The following RAB3GAP2 variants were observed in gnomAD, a reference collection of about 807,000 sequenced individuals.
RAB3GAP2 encodes RAB3 GTPase activating non-catalytic protein subunit 2, also known as rab3 GTPase-activating protein non-catalytic subunit.
Under a neutral mutation model 185.3 loss-of-function variants are expected in RAB3GAP2, and 87 were observed. That is an observed-to-expected ratio of 0.47 (90% CI 0.39 to 0.56). The LOEUF (loss-of-function observed/expected upper bound fraction) is 0.56. Ranked by LOEUF, RAB3GAP2 falls within the 20% of genes least tolerant of loss-of-function variation. The pLI is 0.00. For missense variants in RAB3GAP2, 1,492 were observed against 1,638.2 expected, an observed-to-expected ratio of 0.91 and a Z score of 1.54; for synonymous variants, 554 against 576.1, an observed-to-expected ratio of 0.96 and a Z score of 0.55.
At chr1:220,169,688 G>A (rs1333795960) in intron 24 of RAB3GAP2, among the ~76,000 whole-genome samples, 2 of 152,186 alleles carry the variant, frequency 1.3e-5, no homozygotes, top group Non-Finnish European at 2.9e-5. Flanking sequence ...AAGAGTTTAT[G>A]CTTTGTTCAG....
At chr1:220,200,509 G>T (rs1307128395) in intron 9 of RAB3GAP2, 1 of 508,910 alleles carries the variant, frequency 2.0e-6, no homozygotes, top group South Asian at 1.5e-5. Flanking sequence ...TCTACATAAA[G>T]ATGTACATAC....
chr1:220,260,852 C>T (rs1030424407), intron 1 of RAB3GAP2, among the ~76,000 whole-genome samples: 1 of 152,112 alleles, frequency 6.6e-6, no homozygotes, highest in African/African-American at 2.4e-5. Context: ...AATATGGTAG[C>T]CACTAGCAAC....
chr1:220,185,720 T>C lies in RAB3GAP2; in HGVS notation c.1801A>G (p.Ser601Gly). The C allele has an allele frequency of 1.2e-6, 2 of 1,612,180 alleles. No individual in the cohort carries two copies. The highest frequency in any genetic ancestry group is 1.7e-6 in the Non-Finnish European group (2 of 1,178,580). Residue 601 changes from serine (S) to glycine (G), a missense_variant, in exon 18 of 35, where the codon AGT becomes GGT. Transcript: ENST00000358951. ...AGGCAAGAAAATGGTAAACGTTCAC[T>C]TGCCAAAATGCTTTCCAAAGCCTAG... is the stretch of plus-strand genomic sequence containing the variant. Reference protein sequence around the residue: ...KKQALESILASERLPFSCLRN... With the variant: ...KKQALESILAGERLPFSCLRN...
At chr1:220,244,154 A>G (rs1659754671) in intron 1 of RAB3GAP2, among the ~76,000 whole-genome samples, 3 of 152,180 alleles carry the variant, frequency 2.0e-5, no homozygotes, top group South Asian at 2.1e-4. Context: ...CGTACAAAAA[A>G]TCCTAAAGAT....
intron 21 of RAB3GAP2, among the ~76,000 whole-genome samples, chr1:220,180,200 C>T (rs1571885597): frequency 6.6e-6 from 1 of 151,778 alleles, no homozygotes; most frequent in Admixed American, 6.6e-5. Context: ...TAATAAACAC[C>T]TCAATAAAAA....
chr1:220,262,980 T>G (rs544848190), intron 1 of RAB3GAP2, among the ~76,000 whole-genome samples: 2 of 152,152 alleles, frequency 1.3e-5, no homozygotes, highest in Non-Finnish European at 2.9e-5. Context: ...CTTTTTTTTT[T>G]TTATAGTAGC....
rs373793377 is a variant in RAB3GAP2 at position 220,167,542 on chromosome 1, A to T, written c.2940T>A (p.Leu980=). The change falls in exon 25 of 35, where the codon CTT becomes CTA. Residue 980 remains leucine, a synonymous_variant. Coordinates refer to ENST00000358951, the MANE Select transcript of RAB3GAP2 (RefSeq NM_012414.4). ...EPKEGVNRSF[L]EVSEMEMDLG... The stretch of plus-strand genomic sequence containing the variant: ...AGTCCATCTCCATCTCTGATACCTC[A>T]AGGAAACTTCTGTTAACACCTTCTT... The T allele has an allele frequency of 1.3e-5, 21 of 1,614,068 alleles. No homozygotes were observed. In the African/African-American group the frequency reaches 2.8e-4, roughly 22 times the overall value.
At chr1:220,251,602 AC>A (rs1375483903) in intron 1 of RAB3GAP2, among the ~76,000 whole-genome samples, 1 of 152,226 alleles carries the variant, frequency 6.6e-6, no homozygotes, top group Non-Finnish European at 1.5e-5. Flanking sequence ...TATCAGAAGA[AC>A]AAAAGTCAAA....
intron 1 of RAB3GAP2, among the ~76,000 whole-genome samples, chr1:220,261,197 G>A (rs1360288652): frequency 1.3e-5 from 2 of 152,112 alleles, no homozygotes; most frequent in African/African-American, 4.8e-5. Context: ...CTATGTTCAA[G>A]GGACCATTTC....
Position 220,153,256 on chromosome 1 carries a change from T to G in RAB3GAP2, c.3796A>C (p.Ser1266Arg). 6.2e-7 allele frequency: 1 copy of G among 1,614,160 alleles called. No homozygotes were observed. Among genetic ancestry groups the G allele is most frequent in the Non-Finnish European group, 8.5e-7 (1 of 1,179,972 alleles). The change falls in exon 33 of 35, where the codon AGT becomes CGT. Residue 1266 changes from serine (S) to arginine (R), a missense_variant. Physicochemically the swap from Ser to Arg is moderately radical, Grantham distance 110. Around this residue, in one of 5 missense-constraint regions of RAB3GAP2, gnomAD observed 387 missense variants for 455.3 expected, o/e 0.85. Coordinates refer to ENST00000358951, the MANE Select transcript of RAB3GAP2 (RefSeq NM_012414.4). ...TAATGCCTTCTAACAACATCTTCAC[T>G]AACTTGAAGGTGATGGGCTAAATCC... ...AVDLAHHLQVSEDVVRRHYVG... is the reference protein window; with the variant it reads ...AVDLAHHLQVREDVVRRHYVG...
At chr1:220,206,744 T>C (rs924375381) in intron 7 of RAB3GAP2, among the ~76,000 whole-genome samples, 4 of 152,244 alleles carry the variant, frequency 2.6e-5, no homozygotes, top group African/African-American at 9.6e-5. Flanking sequence ...TGAGAGGTCA[T>C]CATTACCCTC....
intron 1 of RAB3GAP2, among the ~76,000 whole-genome samples, chr1:220,243,390 A>C (rs1659737033): frequency 6.6e-6 from 1 of 151,792 alleles, no homozygotes; most frequent in Non-Finnish European, 1.5e-5. Context: ...AAACACATGT[A>C]TTTACTACAC....
chr1:220,191,246 C>T lies in RAB3GAP2; in HGVS notation c.1309G>A (p.Glu437Lys). The T allele has an allele frequency of 1.9e-6, 3 of 1,612,512 alleles. No homozygotes were observed. The highest frequency in any genetic ancestry group is 1.1e-5 in the South Asian group (1 of 91,054). Residue 437 changes from glutamate (E) to lysine (K), a missense_variant, in exon 14 of 35, where the codon GAG (glutamate) becomes AAG (lysine). This residue lies in a region of RAB3GAP2 where 681 missense variants were observed against 689.1 expected (regional missense o/e 0.99). Coordinates refer to ENST00000358951, the MANE Select transcript of RAB3GAP2 (RefSeq NM_012414.4). ...TCTGGCACTCTTTCATGGAGGTCCT[C>T]TACAGTTTGAATCCATCCAATTTGT... ...DAQIGWIQTV[E>K]DLHERVPEKA... is the part of the protein sequence containing the mutation.
chr1:220,208,981 T>C (rs758264634), intron 7 of RAB3GAP2, among the ~76,000 whole-genome samples: 1 of 152,194 alleles, frequency 6.6e-6, no homozygotes, highest in Non-Finnish European at 1.5e-5. Context: ...GCTCCCAAAG[T>C]GCTGGGATTA....
At chr1:220,197,254 T>C (rs972975828) in intron 9 of RAB3GAP2, among the ~76,000 whole-genome samples, 1 of 152,130 alleles carries the variant, frequency 6.6e-6, no homozygotes, top group African/African-American at 2.4e-5. Context: ...TCCCAAAGTG[T>C]TGGGATTACC....
intron 24 of RAB3GAP2, among the ~76,000 whole-genome samples, chr1:220,168,460 C>T (rs922684315): frequency 6.6e-6 from 1 of 150,950 alleles, no homozygotes; most frequent in African/African-American, 2.4e-5. Flanking sequence ...TGCAATGGTG[C>T]AATCTTGGCT....
At chr1:220,215,786 C>A (rs969072850) in intron 2 of RAB3GAP2, among the ~76,000 whole-genome samples, 29 of 152,122 alleles carry the variant, frequency 1.9e-4, no homozygotes, top group Admixed American at 1.7e-3. Flanking sequence ...TAGACTCCTA[C>A]CTTACTCAGC....
At position 220,185,668 on chromosome 1, in the gene RAB3GAP2, T is replaced by C. The variant is rs1369418378; in HGVS notation, c.1853A>G (p.Asp618Gly). The change falls in exon 18 of 35, where the codon GAC (aspartate) becomes GGC (glycine). Residue 618 changes from aspartate to glycine, a missense_variant. Asp to Gly is a moderately conservative substitution (Grantham distance 94, BLOSUM62 -1). This residue lies in a region of RAB3GAP2 where 681 missense variants were observed against 689.1 expected (regional missense o/e 0.99). Transcript: ENST00000358951. ...CCTATTACCTTGACTTTTTAAAGTG[T>C]CCATTAAAGTCTGAGTGATGTTTCT... ...CLRNITQTLM[D>G]TLKSQELESV... 2 of 1,610,366 alleles carry C rather than the reference T, an allele frequency of 1.2e-6. No individual in the cohort carries two copies. Among genetic ancestry groups the C allele is most frequent in the African/African-American group, 2.7e-5 (2 of 74,824 alleles).
intron 1 of RAB3GAP2, among the ~76,000 whole-genome samples, chr1:220,253,124 A>G (rs1032717700): frequency 6.6e-5 from 10 of 152,188 alleles, no homozygotes; most frequent in Admixed American, 2.6e-4. Context: ...TTCCCCAACA[A>G]TGAAGAACAG....
Sources: allele counts gnomAD v4.1 joint callset (sites outside exome capture counted in the v4.1 genomes callset), GRCh38; gene constraint gnomAD v4.1.1; regional missense constraint gnomAD v4.1.1; transcripts MANE v1.5; gene names NCBI Gene and HGNC (gene_info 2026-07-23, HGNC 2026-07-21).